Variants in NOMO2 observed in about 807,000 individuals in gnomAD.
NOMO2 encodes the protein NODAL modulator 2.
A neutral mutation model predicts 67.1 loss-of-function variants in NOMO2; 14 were observed. The observed-to-expected ratio is 0.21, with a 90% CI of 0.14 to 0.33. The LOEUF (loss-of-function observed/expected upper bound fraction) is 0.33. Ranked by LOEUF, NOMO2 falls within the 10% of genes least tolerant of loss-of-function variation. The pLI is 1.00. For missense variants in NOMO2, 178 were observed against 761.0 expected (o/e 0.23, Z 9.01); for synonymous variants, 80 against 305.9 (o/e 0.26, Z 7.71).
At position 18,557,851 on chromosome 16, in the gene NOMO2, T is replaced by C. The variant is rs1048966737; in HGVS notation, c.166-60A>G. The C allele has an allele frequency of 7.0e-6, 11 of 1,577,900 alleles. No homozygotes were observed. The East Asian group carries it at 2.2e-4, about 32-fold the overall frequency. Reference sequence around the variant, plus strand: ...ATTGCCTTTGGGAATTAACTACACATGTTACACCTGAATGCACTCAGTCAG... The same window carrying C: ...ATTGCCTTTGGGAATTAACTACACACGTTACACCTGAATGCACTCAGTCAG... On this transcript the variant is annotated intron_variant, in intron 1 of 30. Transcript: ENST00000622306.
rs534247783 is a variant in NOMO2 at position 18,535,931 on chromosome 16, G to A, written c.1220+2595C>T. On this transcript the variant is annotated intron_variant, in intron 11 of 30. Coordinates refer to ENST00000622306, the MANE Select transcript of NOMO2 (RefSeq NM_173614.4). The stretch of plus-strand genomic sequence containing the variant: ...CCTGCCTCAGCCTCCTGAGTTGCTG[G>A]GATTACAGGAACGCATCACCATGCC... Among the ~76,000 whole-genome samples, 8 of 151,872 alleles carry A rather than the reference G, an allele frequency of 5.3e-5. 1 individual carries two copies. Among genetic ancestry groups the A allele is most frequent in the African/African-American group, 1.7e-4 (7 of 41,384 alleles).
intron 11 of NOMO2, among the ~76,000 whole-genome samples, chr16:18,535,420 C>T (rs1221636872): frequency 6.6e-6 from 1 of 152,028 alleles, no homozygotes; most frequent in African/African-American, 2.4e-5. Context: ...CAAAAATGTT[C>T]AACAAATGCT....
In NOMO2 at chr16:18,536,341, C is replaced by T. The variant is rs550954621; in HGVS notation, c.1220+2185G>A. ...CTGCAACCCAGAGAGCCTTGCAGAGCTCCCACTCTAAATTAGCTCTTCTTG... is the reference window on the plus strand; with the variant it reads ...CTGCAACCCAGAGAGCCTTGCAGAGTTCCCACTCTAAATTAGCTCTTCTTG... On this transcript the variant is annotated intron_variant, in intron 11 of 30. Transcript: ENST00000622306. Among the ~76,000 whole-genome samples the T allele has an allele frequency of 6.7e-4, 102 of 152,354 alleles. 2 individuals carry two copies. The highest frequency in any genetic ancestry group is 3.4e-3 in the Middle Eastern group (1 of 294).
At chr16:18,559,509 G>C (rs1308116437) in intron 1 of NOMO2, among the ~76,000 whole-genome samples, 1 of 151,984 alleles carries the variant, frequency 6.6e-6, no homozygotes, top group Non-Finnish European at 1.5e-5. Context: ...TTGAACATTT[G>C]GGAAAGGACT....
intron 15 of NOMO2, among the ~76,000 whole-genome samples, chr16:18,528,876 G>A (rs1296693749): frequency 8.8e-5 from 13 of 147,908 alleles, no homozygotes; most frequent in Admixed American, 7.4e-4. Flanking sequence ...GCTGAAGCAG[G>A]AGAATCGCTT....
At chr16:18,533,793 A>C (rs1901359826) in intron 11 of NOMO2, 1 of 152,708 alleles carries the variant, frequency 6.5e-6, no homozygotes, top group Admixed American at 6.5e-5. Flanking sequence ...GAAAAGCCCT[A>C]TTAAGGTAAT....
At position 18,561,951 on chromosome 16, in the gene NOMO2, G is replaced by A. The variant is rs1270593288; in HGVS notation, c.90C>T (p.His30=). 8 of 1,572,860 alleles carry A rather than the reference G, an allele frequency of 5.1e-6. No individual in the cohort carries two copies. Among genetic ancestry groups the A allele is most frequent in the East Asian group, 4.7e-5 (2 of 42,248 alleles). Residue 30 remains histidine (H), a synonymous_variant, in exon 1 of 31, where the codon CAC becomes CAT. Transcript: ENST00000622306. ...AGCCCACCACGATGTCCTCCGAGCCGTGCGCCGGCCCCACGCCGCTCAGCA... is the reference window on the plus strand; with the variant it reads ...AGCCCACCACGATGTCCTCCGAGCCATGCGCCGGCCCCACGCCGCTCAGCA... The part of the protein sequence containing the change: ...VLLLSGVGPA[H]GSEDIVVGCG...
chr16:18,507,471 T>C lies in NOMO2; in HGVS notation c.3325-479A>G, dbSNP rs1901013328. 3.7e-5 allele frequency among the ~76,000 whole-genome samples: 2 copies of C among 54,638 alleles called. 1 individual carries two copies. Among genetic ancestry groups the C allele is most frequent in the Non-Finnish European group, 7.2e-5 (2 of 27,848 alleles). The allele number at this position is 54,638 out of a possible 152,430, so 35.8% of individuals were successfully genotyped here. A position where few individuals can be genotyped will look rare whatever the true frequency, so the allele number is the denominator to read the frequency against. ...CAGGGGCAGCCACAGCTCTGTGTGC[T>C]GAGCACCGACCAGCTGCCAGGCACC... On this transcript the variant is annotated intron_variant, in intron 28 of 30. Coordinates refer to ENST00000622306, the MANE Select transcript of NOMO2 (RefSeq NM_173614.4).
intron 1 of NOMO2, 41 bp downstream of exon 1, chr16:18,561,835 G>A (rs1317705692): frequency 3.9e-6 from 6 of 1,537,750 alleles, no homozygotes; most frequent in South Asian, 2.4e-5. Context: ...CTGAACCACC[G>A]GCCCGGCGAC....
At chr16:18,528,632 T>G (rs1901205365) in intron 15 of NOMO2, among the ~76,000 whole-genome samples, 1 of 151,766 alleles carries the variant, frequency 6.6e-6, no homozygotes, top group African/African-American at 2.4e-5. Context: ...AGATCCTGTT[T>G]ACAGCTTCTT....
chr16:18,538,389 CAAAAA>C (rs61168486), intron 11 of NOMO2, 132 bp downstream of exon 11: 4 of 785,394 alleles, frequency 5.1e-6, no homozygotes, highest in African/African-American at 2.1e-5. Context: ...CTCTGTCTCT[CAAAAA>C]AAAAAAAAAA....
chr16:18,549,366 C>A (rs1444579633), intron 5 of NOMO2, among the ~76,000 whole-genome samples, 155 bp downstream of exon 5: 3 of 151,780 alleles, frequency 2.0e-5, no homozygotes, highest in Admixed American at 6.6e-5. Context: ...ATGTGGGGAA[C>A]TCAGCACTCT....
intron 2 of NOMO2, among the ~76,000 whole-genome samples, chr16:18,557,020 G>A (rs1158320498): frequency 4.6e-5 from 7 of 151,938 alleles, no homozygotes; most frequent in African/African-American, 7.3e-5. Flanking sequence ...CCAGCTATTC[G>A]GGAGGCCTAG....
At chr16:18,520,508 A>G (rs563920901) in intron 20 of NOMO2, 89 bp downstream of exon 20, 3 of 675,634 alleles carry the variant, frequency 4.4e-6, no homozygotes, top group African/African-American at 3.8e-5. Flanking sequence ...AGATGGCTTC[A>G]CTATAACATC....
At chr16:18,526,547 A>G (rs1392557601) in intron 16 of NOMO2, among the ~76,000 whole-genome samples, 4 of 151,694 alleles carry the variant, frequency 2.6e-5, no homozygotes, top group Admixed American at 2.0e-4. Flanking sequence ...TACACAAAAT[A>G]TGATATAACC....
At position 18,562,073 on chromosome 16, in the gene NOMO2, G is replaced by A; in HGVS notation, c.-33C>T. The stretch of plus-strand genomic sequence containing the variant: ...CCTCCCCCAGCTAGACCCACCGCCG[G>A]CAGCCGGGTCCCGCCCCTCACACTG... On this transcript the variant is annotated 5_prime_UTR_variant, in exon 1 of 31. Transcript: ENST00000622306. 1 of 1,411,710 alleles carries A rather than the reference G, an allele frequency of 7.1e-7. No homozygotes were observed. The highest frequency in any genetic ancestry group is 9.2e-7 in the Non-Finnish European group (1 of 1,088,510). The allele number at this position is 1,411,710 out of a possible 1,614,324, so 87.4% of individuals were successfully genotyped here.
intron 15 of NOMO2, among the ~76,000 whole-genome samples, chr16:18,528,900 G>A (rs538591798): frequency 4.5e-3 from 651 of 144,674 alleles, no homozygotes; most frequent in African/African-American, 0.015. Context: ...CTCGGGAGGC[G>A]GAGGTTTCAG....
At chr16:18,536,858 A>G (rs1344886948) in intron 11 of NOMO2, among the ~76,000 whole-genome samples, 1 of 152,082 alleles carries the variant, frequency 6.6e-6, no homozygotes, top group Non-Finnish European at 1.5e-5. Flanking sequence ...TCCATTCACC[A>G]CTGGACTCCT....
intron 7 of NOMO2, among the ~76,000 whole-genome samples, chr16:18,543,210 A>C (rs1901587259): frequency 7.2e-6 from 1 of 138,692 alleles, no homozygotes; most frequent in Non-Finnish European, 1.6e-5. Context: ...TGAGAGTCTC[A>C]CTCTGTCACC....
Sources: gnomAD v4.1 joint callset for allele counts (sites outside exome capture counted in the v4.1 genomes callset) on GRCh38, gnomAD v4.1.1 for gene constraint, MANE v1.5 for transcripts, NCBI Gene and HGNC (gene_info 2026-07-23, HGNC 2026-07-21) for gene names.